CEP83: variants seen among roughly 807,000 people sequenced by gnomAD.
The protein encoded by CEP83 is centrosomal protein 83.
CEP83 carries 70 observed loss-of-function variants against 101.9 expected under a neutral mutation model. The observed-to-expected ratio is 0.69, with a 90% CI of 0.57 to 0.84. The LOEUF is 0.84. CEP83 is among the 40% of genes least tolerant of loss of function. CEP83 has a pLI of 0.00. For missense variants in CEP83, 715 were observed against 787.2 expected, an observed-to-expected ratio of 0.91 and a Z score of 1.10; for synonymous variants, 264 against 267.9, an observed-to-expected ratio of 0.99 and a Z score of 0.14.
chr12:94,315,339 T>C (rs1362201781), intron 14 of CEP83, among the ~76,000 whole-genome samples: 2 of 152,168 alleles, frequency 1.3e-5, no homozygotes, highest in African/African-American at 2.4e-5. Flanking sequence ...GCTAAAGGTA[T>C]TGAGCATCTT....
intron 1 of CEP83, among the ~76,000 whole-genome samples, chr12:94,453,825 G>A (rs887177277): frequency 3.3e-5 from 5 of 152,156 alleles, no homozygotes; most frequent in East Asian, 1.9e-4. Flanking sequence ...TAGGCCGGGC[G>A]CAGTGGCTCA....
Position 94,376,732 on chromosome 12 carries a change from CAT to C in CEP83, c.802-717_802-716del, listed in dbSNP as rs141020909. ...ACACACACACACACACACACACACA[CAT>C]ATATATATATATATTTTTTTTTTGA... is the stretch of plus-strand genomic sequence containing the variant. On this transcript the variant is annotated intron_variant, in intron 7 of 16. Coordinates refer to ENST00000397809, the MANE Select transcript of CEP83 (RefSeq NM_016122.3). Among the ~76,000 whole-genome samples, 210 of 95,010 alleles carry C rather than the reference CAT, an allele frequency of 2.2e-3. 1 individual carries two copies. Among genetic ancestry groups the C allele is most frequent in the Middle Eastern group, 5.3e-3 (1 of 188 alleles). 62.3% of individuals were successfully genotyped at this position (95,010 alleles called of 152,430 possible).
chr12:94,456,636 AAC>A (rs2067698799), intron 1 of CEP83, among the ~76,000 whole-genome samples: 1 of 152,162 alleles, frequency 6.6e-6, no homozygotes, highest in Non-Finnish European at 1.5e-5. Flanking sequence ...GGAACTACCA[AAC>A]ACTTATAAAA....
At chr12:94,284,179 T>A in the CEP83 span, among the ~76,000 whole-genome samples, 1 of 151,976 alleles carries the variant, frequency 6.6e-6, no homozygotes, top group East Asian at 1.9e-4. Flanking sequence ...CAGGAGCAAT[T>A]TGGGGAGAGT....
At chr12:94,328,240 T>TG in intron 14 of CEP83, 1 of 319,628 alleles carries the variant, frequency 3.1e-6, no homozygotes, top group Non-Finnish European at 6.4e-6. Context: ...TCAATGGGGG[T>TG]GGGGGGAATA....
In CEP83 at chr12:94,424,146, C is replaced by A. The variant is rs1434768424; in HGVS notation, c.-102+11129G>T. On this transcript the variant is annotated intron_variant, in intron 2 of 16. Transcript: ENST00000397809. ...AGGTATGGGGAGAGTGCAGACCGAG[C>A]AAGCATCCTGTTGGGGGTGATGTTA... is the stretch of plus-strand genomic sequence containing the variant. 1.9e-6 allele frequency: 3 copies of A among 1,603,472 alleles called. No homozygotes were observed. The Admixed American group carries it at 5.0e-5, about 27-fold the overall frequency.
chr12:94,396,280 CTTTTT>C (rs776434390), intron 6 of CEP83, among the ~76,000 whole-genome samples: 2 of 90,944 alleles, frequency 2.2e-5, no homozygotes, highest in East Asian at 3.2e-4. Flanking sequence ...AAAAGCATGA[CTTTTT>C]TTTTTTTTTT....
chr12:94,323,557 T>C (rs2058839936), intron 14 of CEP83, among the ~76,000 whole-genome samples: 1 of 152,208 alleles, frequency 6.6e-6, no homozygotes, highest in Non-Finnish European at 1.5e-5. Flanking sequence ...TGAATCCCAA[T>C]GCGTGTACCT....
intron 14 of CEP83, among the ~76,000 whole-genome samples, chr12:94,325,328 A>G (rs982230764): frequency 4.6e-5 from 7 of 152,046 alleles, no homozygotes; most frequent in Non-Finnish European, 7.4e-5. Context: ...ACCCGCCACC[A>G]TGCCCGGCTA....
At chr12:94,447,437 G>A (rs904977976) in intron 1 of CEP83, among the ~76,000 whole-genome samples, 3 of 152,122 alleles carry the variant, frequency 2.0e-5, no homozygotes, top group Non-Finnish European at 2.9e-5. Flanking sequence ...CTGGGTAAGC[G>A]GTGGCTGCAG....
chr12:94,288,359 CTCTTGAG>C, the CEP83 span, among the ~76,000 whole-genome samples: 2 of 152,206 alleles, frequency 1.3e-5, no homozygotes, highest in Non-Finnish European at 2.9e-5. Flanking sequence ...AACAGGATCA[CTCTTGAG>C]TCTTAAGTGT....
intron 14 of CEP83, among the ~76,000 whole-genome samples, chr12:94,320,812 G>A (rs1193449646): frequency 6.6e-6 from 1 of 152,102 alleles, no homozygotes; most frequent in Non-Finnish European, 1.5e-5. Flanking sequence ...TTTTCTCCAA[G>A]TGCCTTTAAT....
intron 11 of CEP83, among the ~76,000 whole-genome samples, chr12:94,344,360 A>C (rs908119030): frequency 6.6e-6 from 1 of 152,228 alleles, no homozygotes; most frequent in Non-Finnish European, 1.5e-5. Flanking sequence ...AGAATGAAAG[A>C]ATAAACTGTA....
chr12:94,421,439 T>C (rs567929615), intron 2 of CEP83, among the ~76,000 whole-genome samples: 2 of 152,290 alleles, frequency 1.3e-5, no homozygotes, highest in African/African-American at 2.4e-5. Context: ...TCAAGGACTG[T>C]AGTCCTTTTC....
chr12:94,376,684 CATAT>C (rs201819101), intron 7 of CEP83, among the ~76,000 whole-genome samples: 5 of 133,548 alleles, frequency 3.7e-5, no homozygotes, highest in African/African-American at 1.2e-4. Flanking sequence ...AATATATATA[CATAT>C]ATACACACAC....
chr12:94,281,724 G>A, the CEP83 span: 1 of 153,012 alleles, frequency 6.5e-6, no homozygotes, highest in Admixed American at 6.5e-5. Flanking sequence ...TCCAGCCTAT[G>A]TGCAATCTTT....
intron 4 of CEP83, among the ~76,000 whole-genome samples, chr12:94,407,093 C>T (rs1463033808): frequency 6.6e-6 from 1 of 151,778 alleles, no homozygotes; most frequent in Non-Finnish European, 1.5e-5. Flanking sequence ...AGCACAGAGA[C>T]AAAAAATACT....
chr12:94,372,682 A>C (rs939087070), intron 8 of CEP83, among the ~76,000 whole-genome samples: 2 of 152,238 alleles, frequency 1.3e-5, no homozygotes, highest in African/African-American at 4.8e-5. Flanking sequence ...AAATTTACTG[A>C]AATGAGACGA....
At chr12:94,404,041 T>C (rs2063404497) in intron 4 of CEP83, among the ~76,000 whole-genome samples, 1 of 152,232 alleles carries the variant, frequency 6.6e-6, no homozygotes, top group Non-Finnish European at 1.5e-5. Flanking sequence ...TACAATGCAC[T>C]GTAACCTACA....
Sources: gnomAD v4.1 joint callset for allele counts (sites outside exome capture counted in the v4.1 genomes callset) on GRCh38, gnomAD v4.1.1 for gene constraint, MANE v1.5 for transcripts, NCBI Gene and HGNC (gene_info 2026-07-23, HGNC 2026-07-21) for gene names.